RAB40A: variants seen among roughly 807,000 people sequenced by gnomAD.
RAB40A encodes ras-related protein Rab-40A.
For synonymous variants in RAB40A, 65 were observed against 99.9 expected, an observed-to-expected ratio of 0.65 and a Z score of 2.08; for missense variants, 145 against 230.2, an observed-to-expected ratio of 0.63 and a Z score of 2.40.
intron 2 of RAB40A, among the ~76,000 whole-genome samples, chrX:103,509,688 C>A (rs1238936048): frequency 2.9e-5 from 3 of 103,818 alleles, no homozygotes; most frequent in African/African-American, 7.1e-5. Flanking sequence ...ACTATGGTTT[C>A]TGTCCCCAGA....
chrX:103,504,145 G>A (rs1469380684), intron 2 of RAB40A, among the ~76,000 whole-genome samples: 1 of 111,256 alleles, frequency 9.0e-6, no homozygotes, highest in Non-Finnish European at 1.9e-5. Flanking sequence ...ACTCATGGAC[G>A]TAAAGATAGC....
chrX:103,508,527 G>A (rs1283033357), intron 2 of RAB40A, among the ~76,000 whole-genome samples: 1 of 112,134 alleles, frequency 8.9e-6, no homozygotes, highest in Non-Finnish European at 1.9e-5. Context: ...GAACACAGCA[G>A]TAGGGGCTGG....
Position 103,499,177 on chromosome X carries a change from C to T in RAB40A, c.*746G>A, listed in dbSNP as rs2073205778. 1 of 118,099 alleles carries T rather than the reference C, an allele frequency of 8.5e-6. No homozygotes were observed. The highest frequency in any genetic ancestry group is 1.9e-5 in the Non-Finnish European group (1 of 53,330). 9.7% of individuals were successfully genotyped at this position (118,099 alleles called of 1,213,427 possible). ...TTCTCAAATAAGTACGTATTTCATTCCTTACTGAAATGGTTTTTTCTTATT... is the reference window on the plus strand; with the variant it reads ...TTCTCAAATAAGTACGTATTTCATTTCTTACTGAAATGGTTTTTTCTTATT... On this transcript the variant is annotated 3_prime_UTR_variant, in exon 3 of 3. Coordinates refer to ENST00000304236, the MANE Select transcript of RAB40A (RefSeq NM_080879.3).
At chrX:103,501,034 T>C (rs1329333455) in intron 2 of RAB40A, 1 of 368,252 alleles carries the variant, frequency 2.7e-6, no homozygotes, top group Non-Finnish European at 4.7e-6. Context: ...AAAACTTTCA[T>C]GTGATCGTTA....
At chrX:103,515,608 G>A (rs1360369110) in intron 2 of RAB40A, among the ~76,000 whole-genome samples, 2 of 111,888 alleles carry the variant, frequency 1.8e-5, no homozygotes, top group African/African-American at 3.2e-5. Flanking sequence ...TGATGAGCAA[G>A]GTAAGGTTCA....
At chrX:103,502,735 C>A (rs865915408) in intron 2 of RAB40A, 1 of 764,917 alleles carries the variant, frequency 1.3e-6, no homozygotes, top group Admixed American at 8.6e-5. Flanking sequence ...AGGGATGAAA[C>A]CTCATTCCAA....
chrX:103,498,305 A>G (rs181725330), downstream of RAB40A, among the ~76,000 whole-genome samples: 1 of 112,278 alleles, frequency 8.9e-6, no homozygotes, highest in Non-Finnish European at 1.9e-5. Context: ...TTCTAAAGCA[A>G]TGGCCCAGAC....
intron 2 of RAB40A, among the ~76,000 whole-genome samples, chrX:103,515,509 A>G (rs1356139518): frequency 2.7e-5 from 3 of 112,302 alleles, no homozygotes. Context: ...ATATATATTT[A>G]TTGAAGTATT....
At position 103,519,432 on chromosome X, in the gene RAB40A, G is replaced by A. The variant is rs2073331624; in HGVS notation, c.-285C>T. ...ACAGTTGACACTTCTTACCCTACAGGAGATTATTCAGCCTATCAGCCAATC... is the reference window on the plus strand; with the variant it reads ...ACAGTTGACACTTCTTACCCTACAGAAGATTATTCAGCCTATCAGCCAATC... On this transcript the variant is annotated 5_prime_UTR_variant, in exon 1 of 3. Coordinates refer to ENST00000304236, the MANE Select transcript of RAB40A (RefSeq NM_080879.3). 8.9e-6 allele frequency: 1 copy of A among 112,074 alleles called. No individual in the cohort carries two copies. Among genetic ancestry groups the A allele is most frequent in the Non-Finnish European group, 1.9e-5 (1 of 53,162 alleles). The allele number at this position is 112,074 out of a possible 1,213,427, so 9.2% of individuals were successfully genotyped here. A position where few individuals can be genotyped will look rare whatever the true frequency, so the allele number is the denominator to read the frequency against.
At chrX:103,518,458 G>T (rs2073326644) in intron 1 of RAB40A, among the ~76,000 whole-genome samples, 1 of 110,409 alleles carries the variant, frequency 9.1e-6, no homozygotes, top group South Asian at 3.9e-4. Flanking sequence ...AAGGAACTAG[G>T]TTATCTTAGA....
In RAB40A at chrX:103,499,466, G is replaced by C; in HGVS notation, c.*457C>G. The C allele has an allele frequency of 5.3e-6, 1 of 189,686 alleles. No homozygotes were observed. Among genetic ancestry groups the C allele is most frequent in the Non-Finnish European group, 1.0e-5 (1 of 100,002 alleles). The allele number at this position is 189,686 out of a possible 1,213,427, so 15.6% of individuals were successfully genotyped here. On this transcript the variant is annotated 3_prime_UTR_variant, in exon 3 of 3. Transcript: ENST00000304236. ...GCAGTGTTTTATAAATTGGTGCTTTGACATTAAAAAGGAGGTTTACAAAAA... is the reference window on the plus strand; with the variant it reads ...GCAGTGTTTTATAAATTGGTGCTTTCACATTAAAAAGGAGGTTTACAAAAA...
intron 2 of RAB40A, among the ~76,000 whole-genome samples, chrX:103,509,216 A>C (rs1408874661): frequency 5.4e-5 from 6 of 110,667 alleles, no homozygotes; most frequent in Non-Finnish European, 1.1e-4. Context: ...CAACTTTTAA[A>C]CTTGCTCAAA....
At chrX:103,494,505 C>T (rs1283873179), downstream of RAB40A, among the ~76,000 whole-genome samples, 1 of 111,969 alleles carries the variant, frequency 8.9e-6, no homozygotes, top group Non-Finnish European at 1.9e-5. Flanking sequence ...AATCTTTGCC[C>T]AGACCAATGT....
At chrX:103,508,964 A>T (rs906915684) in intron 2 of RAB40A, among the ~76,000 whole-genome samples, 3 of 112,342 alleles carry the variant, frequency 2.7e-5, no homozygotes, top group Non-Finnish European at 5.6e-5. Flanking sequence ...GCTACATCAC[A>T]TCAAAATTTC....
In RAB40A at chrX:103,499,761, G is replaced by A; in HGVS notation, c.*162C>T. ...GAAATTCAAAGTCAAACTGTGTAAT[G>A]TGTTTTTATTGACAGAAGGCATCAC... On this transcript the variant is annotated 3_prime_UTR_variant, in exon 3 of 3. Transcript: ENST00000304236. 2 of 566,604 alleles carry A rather than the reference G, an allele frequency of 3.5e-6. No homozygotes were observed. Among genetic ancestry groups the A allele is most frequent in the South Asian group, 5.9e-5 (2 of 33,806 alleles). 46.7% of individuals were successfully genotyped at this position (566,604 alleles called of 1,213,427 possible).
At chrX:103,497,647 G>C (rs2073187233), downstream of RAB40A, 1 of 112,130 alleles carries the variant, frequency 8.9e-6, no homozygotes, top group Admixed American at 9.4e-5. Flanking sequence ...GTCCATCACA[G>C]GGACAGGATT....
At chrX:103,497,826 A>G (rs1437906281), downstream of RAB40A, among the ~76,000 whole-genome samples, 2 of 112,086 alleles carry the variant, frequency 1.8e-5, no homozygotes, top group African/African-American at 6.5e-5. Flanking sequence ...CCCTGGAACC[A>G]TAATGCCACC....
chrX:103,497,183 C>A (rs1206725240), downstream of RAB40A, among the ~76,000 whole-genome samples: 1 of 111,791 alleles, frequency 8.9e-6, no homozygotes, highest in Non-Finnish European at 1.9e-5. Context: ...AAGAGGCTCT[C>A]TCAGGGTGGA....
intron 2 of RAB40A, chrX:103,502,151 A>G (rs2073231669): frequency 8.1e-6 from 1 of 123,454 alleles, no homozygotes; most frequent in African/African-American, 3.2e-5. Context: ...AAAAGGAAAA[A>G]ATGAGAAACA....
Sources: gnomAD v4.1 joint callset for allele counts (sites outside exome capture counted in the v4.1 genomes callset) on GRCh38, gnomAD v4.1.1 for gene constraint, MANE v1.5 for transcripts, NCBI Gene and HGNC (gene_info 2026-07-23, HGNC 2026-07-21) for gene names.